The following EXOC6B variants were observed in gnomAD, a reference collection of about 807,000 sequenced individuals.
EXOC6B encodes exocyst complex component 6B.
Under a neutral mutation model 113.5 loss-of-function variants are expected in EXOC6B, and 54 were observed. The ratio of observed to expected loss-of-function variants is 0.48; its 90% CI spans 0.38 to 0.60. The LOEUF is 0.60. Ranked by LOEUF, EXOC6B falls within the 20% of genes least tolerant of loss-of-function variation. EXOC6B has a pLI of 0.00. For missense variants in EXOC6B, 797 were observed against 977.5 expected (o/e 0.82, Z 2.46); for synonymous variants, 357 against 339.0 (o/e 1.05, Z -0.58).
In EXOC6B at chr2:72,825,802, G is replaced by C; in HGVS notation, c.109C>G (p.Leu37Val). The C allele has an allele frequency of 6.2e-7, 1 of 1,612,472 alleles. No homozygotes were observed. Among genetic ancestry groups the C allele is most frequent in the Non-Finnish European group, 8.5e-7 (1 of 1,179,452 alleles). ...TGGTCCCGGCACCCGGGGTACCTGAGCGTGGGCCCGATGCAGGCCGTGTCA... is the reference window on the plus strand; with the variant it reads ...TGGTCCCGGCACCCGGGGTACCTGACCGTGGGCCCGATGCAGGCCGTGTCA... ...STDTACIGPT[L>V]RSVYDGEEHG... The change falls in exon 1 of 22, where the codon CTC (leucine) becomes GTC (valine). Residue 37 changes from leucine to valine, a missense_variant. Physicochemically the swap from Leu to Val is conservative, Grantham distance 32. Coordinates refer to ENST00000272427, the MANE Select transcript of EXOC6B (RefSeq NM_015189.3). This position sits in a 1 kb window ranked among gnomAD's most constrained non-coding sequence, Gnocchi z 4.4.
At chr2:72,221,547 T>G (rs1197086740) in intron 20 of EXOC6B, among the ~76,000 whole-genome samples, 1 of 152,158 alleles carries the variant, frequency 6.6e-6, no homozygotes, top group Non-Finnish European at 1.5e-5. Flanking sequence ...CAGCACTTAT[T>G]TACAACTACA....
At chr2:72,714,998 G>A (rs1036881213) in intron 6 of EXOC6B, among the ~76,000 whole-genome samples, 1 of 152,132 alleles carries the variant, frequency 6.6e-6, no homozygotes, top group Non-Finnish European at 1.5e-5. Context: ...CAGGCACAGT[G>A]GCTCATGCCT....
At chr2:72,602,814 A>C (rs890359175) in intron 6 of EXOC6B, among the ~76,000 whole-genome samples, 1 of 152,212 alleles carries the variant, frequency 6.6e-6, no homozygotes, top group African/African-American at 2.4e-5. Context: ...CTTAGATCAA[A>C]ATTAAGCATT....
intron 21 of EXOC6B, chr2:72,182,911 G>T (rs1319214899): frequency 2.4e-6 from 3 of 1,231,130 alleles, no homozygotes; most frequent in Non-Finnish European, 3.0e-6. Flanking sequence ...ATATCCTAGG[G>T]CGGAAGGTCA....
At chr2:72,335,352 C>A in intron 19 of EXOC6B, 1 of 189,424 alleles carries the variant, frequency 5.3e-6, no homozygotes, top group Non-Finnish European at 1.1e-5. Context: ...AAAAGTTTTT[C>A]CTCTCAACAC....
intron 17 of EXOC6B, among the ~76,000 whole-genome samples, chr2:72,466,143 G>A (rs568005451): frequency 2.0e-5 from 3 of 151,874 alleles, no homozygotes; most frequent in African/African-American, 4.8e-5. Context: ...TCAGGAGTTC[G>A]AGACCAGCCT....
At chr2:72,753,363 C>T (rs561039807) in intron 1 of EXOC6B, among the ~76,000 whole-genome samples, 1 of 152,106 alleles carries the variant, frequency 6.6e-6, no homozygotes, top group South Asian at 2.1e-4. Context: ...GAAATATGTA[C>T]ATTAACCTTG....
chr2:72,422,223 G>A (rs1235749748), intron 18 of EXOC6B, among the ~76,000 whole-genome samples: 11 of 152,244 alleles, frequency 7.2e-5, no homozygotes, highest in Non-Finnish European at 4.4e-5. Flanking sequence ...CACCCGGCGC[G>A]GGACTGGCAG....
intron 6 of EXOC6B, among the ~76,000 whole-genome samples, chr2:72,698,118 AAGTGG>A (rs1678022557): frequency 6.6e-6 from 1 of 152,192 alleles, no homozygotes. Flanking sequence ...GTCAAGTGCA[AAGTGG>A]AGTCACTGGA....
At chr2:72,360,893 C>T (rs1459541095) in intron 19 of EXOC6B, among the ~76,000 whole-genome samples, 11 of 145,788 alleles carry the variant, frequency 7.5e-5, no homozygotes, top group Non-Finnish European at 3.0e-5. Flanking sequence ...ATCACACCAT[C>T]ACACTCCAGC....
chr2:72,595,291 A>C (rs897430288), intron 6 of EXOC6B, among the ~76,000 whole-genome samples: 1 of 146,514 alleles, frequency 6.8e-6, no homozygotes, highest in African/African-American at 2.5e-5. Context: ...ATAGATATAT[A>C]TATCTATATA....
chr2:72,638,126 C>T (rs1293406414), intron 6 of EXOC6B, among the ~76,000 whole-genome samples: 1 of 151,946 alleles, frequency 6.6e-6, no homozygotes, highest in Non-Finnish European at 1.5e-5. Flanking sequence ...CTAAGAAAAA[C>T]AGAGAGAAGG....
chr2:72,254,517 T>C (rs1208145376), intron 20 of EXOC6B, among the ~76,000 whole-genome samples: 2 of 152,194 alleles, frequency 1.3e-5, no homozygotes, highest in South Asian at 2.1e-4. Context: ...CCACCAAGTT[T>C]ATAGTAATTT....
chr2:72,520,178 A>T (rs1420240218), intron 8 of EXOC6B, among the ~76,000 whole-genome samples: 1 of 152,188 alleles, frequency 6.6e-6, no homozygotes, highest in Non-Finnish European at 1.5e-5. Flanking sequence ...TTGTATTCCC[A>T]ACTCCTACAA....
chr2:72,754,296 C>G (rs185266119), intron 1 of EXOC6B, among the ~76,000 whole-genome samples: 65 of 152,302 alleles, frequency 4.3e-4, no homozygotes, highest in Non-Finnish European at 2.1e-4. Flanking sequence ...GGAATTTATA[C>G]CAAACAAGAT....
intron 6 of EXOC6B, among the ~76,000 whole-genome samples, chr2:72,660,552 T>C (rs755177571): frequency 6.6e-6 from 1 of 152,210 alleles, no homozygotes; most frequent in African/African-American, 2.4e-5. Flanking sequence ...ATTATAACTA[T>C]GGCAACATCA....
intron 7 of EXOC6B, among the ~76,000 whole-genome samples, chr2:72,571,583 C>T (rs1704514026): frequency 6.6e-6 from 1 of 152,072 alleles, no homozygotes; most frequent in Non-Finnish European, 1.5e-5. Flanking sequence ...TTCTTTATAA[C>T]ACCCTTCAGC....
At chr2:72,564,424 C>T (rs917096312) in intron 7 of EXOC6B, among the ~76,000 whole-genome samples, 14 of 152,266 alleles carry the variant, frequency 9.2e-5, no homozygotes, top group Admixed American at 5.2e-4. Context: ...ATAGTTTCTC[C>T]GTATCGGTAA....
intron 19 of EXOC6B, among the ~76,000 whole-genome samples, chr2:72,359,884 G>C (rs1008028996): frequency 1.4e-4 from 22 of 151,994 alleles, no homozygotes; most frequent in African/African-American, 5.3e-4. Context: ...GTGAGAGCTG[G>C]TTGTTTAAAA....
Sources: gnomAD v4.1 joint callset for allele counts (sites outside exome capture counted in the v4.1 genomes callset) on GRCh38, gnomAD v4.1.1 for gene constraint, Gnocchi (gnomAD v3.1) non-coding constraint, MANE v1.5 for transcripts, NCBI Gene and HGNC (gene_info 2026-07-23, HGNC 2026-07-21) for gene names.